The following TLE4 variants were observed in gnomAD, a reference collection of about 807,000 sequenced individuals.
TLE4 encodes TLE family member 4, transcriptional corepressor.
In TLE4, 8 loss-of-function variants were observed where a neutral mutation model predicts 92.8. The ratio of observed to expected loss-of-function variants is 0.09; its 90% CI spans 0.05 to 0.16. TLE4 has a LOEUF of 0.16. Ranked by LOEUF, TLE4 falls within the 10% of genes least tolerant of loss-of-function variation. TLE4 has a pLI of 1.00. For synonymous variants in TLE4, 371 were observed against 374.1 expected (o/e 0.99, Z 0.10); for missense variants, 675 against 997.6 (o/e 0.68, Z 4.36).
At chr9:79,598,848 A>C (rs1172406630) in intron 4 of TLE4, among the ~76,000 whole-genome samples, 2 of 151,958 alleles carry the variant, frequency 1.3e-5, no homozygotes, top group African/African-American at 4.8e-5. Flanking sequence ...TTCCCCCCCC[A>C]GATTATAAAC....
chr9:79,584,607 G>A (rs567505379), intron 4 of TLE4, among the ~76,000 whole-genome samples: 102 of 152,278 alleles, frequency 6.7e-4, no homozygotes, highest in African/African-American at 2.3e-3. Context: ...ATGCTGGTGC[G>A]CAATAAAATA....
At chr9:79,709,484 T>C (rs546961151) in intron 13 of TLE4, 139 bp from the exon 14 acceptor site, 1 of 617,332 alleles carries the variant, frequency 1.6e-6, no homozygotes, top group South Asian at 2.5e-5. Context: ...ATTTCACCAA[T>C]AAATACTTCT....
At chr9:79,722,823 G>A (rs1439151424) in intron 18 of TLE4, 136 bp from the exon 19 acceptor site, 1 of 989,586 alleles carries the variant, frequency 1.0e-6, no homozygotes, top group African/African-American at 1.6e-5. Context: ...AGAAAGATAG[G>A]CTTTATTTTT....
intron 7 of TLE4, 193 bp downstream of exon 7, chr9:79,652,987 A>G: frequency 1.9e-5 from 14 of 735,500 alleles, no homozygotes; most frequent in South Asian, 1.5e-4. Context: ...AAGAGCTAAC[A>G]TACTCCCTAG....
intron 4 of TLE4, among the ~76,000 whole-genome samples, chr9:79,592,135 TTTCTTCTTTCTTCTTTC>T (rs2042693378): frequency 1.3e-5 from 2 of 148,776 alleles, no homozygotes; most frequent in African/African-American, 5.0e-5. Flanking sequence ...TTTCTTCTTC[TTTCTTCTTTCTTCTTTC>T]TTCTTCTTCT....
intron 5 of TLE4, among the ~76,000 whole-genome samples, chr9:79,624,278 TTCC>T (rs2051894427): frequency 6.6e-6 from 1 of 152,148 alleles, no homozygotes; most frequent in Non-Finnish European, 1.5e-5. Context: ...TTGACCCTTC[TTCC>T]TGTTTGGGTT....
chr9:79,630,606 TG>T (rs2133652671), intron 6 of TLE4, among the ~76,000 whole-genome samples: 1 of 152,230 alleles, frequency 6.6e-6, no homozygotes, highest in East Asian at 1.9e-4. Context: ...CTAGCCACTG[TG>T]TTTTTAAATT....
chr9:79,606,184 G>GTTTTTTTTTTTTTT (rs1288414778), intron 4 of TLE4, among the ~76,000 whole-genome samples: 3 of 18,410 alleles, frequency 1.6e-4, no homozygotes, highest in Non-Finnish European at 2.4e-4. Context: ...AGCAGTAGTA[G>GTTTTTTTTTTTTTT]TTGTTTTTTT....
intron 14 of TLE4, among the ~76,000 whole-genome samples, chr9:79,712,410 A>G (rs1410769172): frequency 6.6e-6 from 1 of 152,192 alleles, no homozygotes; most frequent in African/African-American, 2.4e-5. Context: ...CCAGATCATA[A>G]GATACTGAAT....
intron 4 of TLE4, among the ~76,000 whole-genome samples, chr9:79,579,664 TTGTGTG>T (rs773021125): frequency 1.3e-5 from 2 of 151,012 alleles, no homozygotes; most frequent in African/African-American, 2.4e-5. Flanking sequence ...GTGTGTGTAT[TTGTGTG>T]TGTGTGTGTG....
At chr9:79,621,109 T>G (rs1449312638) in intron 5 of TLE4, among the ~76,000 whole-genome samples, 1 of 152,224 alleles carries the variant, frequency 6.6e-6, no homozygotes, top group Non-Finnish European at 1.5e-5. Flanking sequence ...CTTTGAATAC[T>G]GTATAGGAAA....
At chr9:79,674,701 A>C (rs1056788406) in intron 8 of TLE4, among the ~76,000 whole-genome samples, 2 of 152,188 alleles carry the variant, frequency 1.3e-5, no homozygotes, top group African/African-American at 4.8e-5. Flanking sequence ...GTGGGGCGGG[A>C]TGTTTTAATA....
At chr9:79,646,685 C>G (rs901751972) in intron 6 of TLE4, among the ~76,000 whole-genome samples, 1 of 152,066 alleles carries the variant, frequency 6.6e-6, no homozygotes, top group Non-Finnish European at 1.5e-5. Context: ...TTAAAAATGA[C>G]CACTAAGTAC....
intron 4 of TLE4, among the ~76,000 whole-genome samples, chr9:79,606,042 CTG>C (rs2046770829): frequency 6.6e-6 from 1 of 151,938 alleles, no homozygotes; most frequent in East Asian, 1.9e-4. Context: ...CCTTTTCTCA[CTG>C]GAGTAAGTAG....
intron 4 of TLE4, among the ~76,000 whole-genome samples, chr9:79,587,416 T>C (rs779968995): frequency 2.6e-5 from 4 of 152,244 alleles, no homozygotes; most frequent in Non-Finnish European, 4.4e-5. Flanking sequence ...ATTCATACTT[T>C]GCCAGATGAT....
intron 4 of TLE4, among the ~76,000 whole-genome samples, chr9:79,610,575 GA>G (rs2132998690): frequency 6.6e-6 from 1 of 152,102 alleles, no homozygotes; most frequent in Admixed American, 6.6e-5. Flanking sequence ...GCCTGACCAT[GA>G]AAATCCATTG....
chr9:79,720,791 T>C (rs895681583), intron 16 of TLE4, among the ~76,000 whole-genome samples: 1 of 152,128 alleles, frequency 6.6e-6, no homozygotes. Flanking sequence ...TCAGCAGATA[T>C]TTAGCAACTC....
At chr9:79,598,104 C>T (rs2132539474) in intron 4 of TLE4, among the ~76,000 whole-genome samples, 1 of 150,962 alleles carries the variant, frequency 6.6e-6, no homozygotes, top group South Asian at 2.1e-4. Context: ...AAAAACTTAC[C>T]CAGGCGTGGT....
At chr9:79,616,168 T>C (rs1220445770) in intron 5 of TLE4, among the ~76,000 whole-genome samples, 3 of 152,164 alleles carry the variant, frequency 2.0e-5, no homozygotes, top group Admixed American at 2.0e-4. Context: ...CAACTCTGAG[T>C]TGGCAGTTCC....
Sources: allele counts gnomAD v4.1 joint callset (sites outside exome capture counted in the v4.1 genomes callset), GRCh38; gene constraint gnomAD v4.1.1; transcripts MANE v1.5; gene names NCBI Gene and HGNC (gene_info 2026-07-23, HGNC 2026-07-21).